SFMBT2: variants seen among roughly 807,000 people sequenced by gnomAD.
The protein encoded by SFMBT2 is Scm like with four mbt domains 2.
In SFMBT2, 38 loss-of-function variants were observed where a neutral mutation model predicts 110.1. The observed-to-expected ratio is 0.35, with a 90% CI of 0.27 to 0.45. The LOEUF is 0.45. Among genes scored for constraint, SFMBT2 ranks in the 20% least tolerant of loss-of-function variants. SFMBT2 has a pLI of 1.00. For missense variants in SFMBT2, 1,011 were observed against 1,094.9 expected, an observed-to-expected ratio of 0.92 and a Z score of 1.08; for synonymous variants, 425 against 425.4, an observed-to-expected ratio of 1.00 and a Z score of 0.01.
intron 9 of SFMBT2, among the ~76,000 whole-genome samples, chr10:7,234,036 T>C (rs929791042): frequency 2.6e-5 from 4 of 152,252 alleles, no homozygotes; most frequent in African/African-American, 9.6e-5. Flanking sequence ...TTTGTTCTTG[T>C]CGATGCTGTT....
intron 4 of SFMBT2, among the ~76,000 whole-genome samples, chr10:7,322,638 G>A (rs1450435962): frequency 6.6e-6 from 1 of 151,398 alleles, no homozygotes; most frequent in Non-Finnish European, 1.5e-5. Context: ...CACATACACA[G>A]CACAGCACAA....
intron 4 of SFMBT2, among the ~76,000 whole-genome samples, chr10:7,358,545 A>G (rs1265119779): frequency 6.6e-6 from 1 of 151,840 alleles, no homozygotes; most frequent in Admixed American, 6.6e-5. Context: ...GAACATCTGT[A>G]TGGCCATGGA....
intron 6 of SFMBT2, among the ~76,000 whole-genome samples, chr10:7,282,392 T>C (rs1841970622): frequency 6.6e-6 from 1 of 152,176 alleles, no homozygotes; most frequent in South Asian, 2.1e-4. Flanking sequence ...CACTGGCAAG[T>C]AGATATTGCT....
rs144242433 is a variant in SFMBT2, at chr10:7,277,664, T to C, written c.773-675A>G. The stretch of plus-strand genomic sequence containing the variant: ...GGAAAAAAAAAAACGTTGAGCACTG[T>C]TTTTACCTATTGCTGAAACTGCAGG... On this transcript the variant is annotated intron_variant, in intron 6 of 20. Coordinates refer to ENST00000397167, the MANE Select transcript of SFMBT2 (RefSeq NM_001387889.1). Among the ~76,000 whole-genome samples the C allele has an allele frequency of 1.4e-3, 206 of 152,096 alleles. 1 individual carries two copies. Among genetic ancestry groups the C allele is most frequent in the African/African-American group, 4.6e-3 (192 of 41,498 alleles).
At chr10:7,276,852 T>C (rs748596567) in intron 7 of SFMBT2, 40 bp downstream of exon 7, 45 of 843,906 alleles carry the variant, frequency 5.3e-5, no homozygotes, top group Admixed American at 1.9e-4. Flanking sequence ...GATTTTATTC[T>C]CAAAAAGGGT....
At chr10:7,374,936 T>C (rs1034963559) in intron 2 of SFMBT2, among the ~76,000 whole-genome samples, 1 of 152,230 alleles carries the variant, frequency 6.6e-6, no homozygotes, top group Non-Finnish European at 1.5e-5. Context: ...ACAAAATGTT[T>C]ATGGGGAGAG....
chr10:7,391,341 G>A (rs540998680), intron 1 of SFMBT2, among the ~76,000 whole-genome samples: 46 of 150,604 alleles, frequency 3.1e-4, no homozygotes, highest in Admixed American at 2.1e-3. Context: ...TGGCACGTGC[G>A]TATAATCCCA....
chr10:7,397,367 GTTTT>G (rs950104964), intron 1 of SFMBT2, among the ~76,000 whole-genome samples: 2 of 149,346 alleles, frequency 1.3e-5, no homozygotes, highest in South Asian at 2.1e-4. Flanking sequence ...GTTTGTTGTT[GTTTT>G]TTTGTTTTTT....
At chr10:7,359,253 G>A (rs1186941963) in intron 4 of SFMBT2, among the ~76,000 whole-genome samples, 1 of 152,202 alleles carries the variant, frequency 6.6e-6, no homozygotes, top group Admixed American at 6.5e-5. Flanking sequence ...AGCAGGAACG[G>A]GGCCAGATGG....
intron 7 of SFMBT2, among the ~76,000 whole-genome samples, chr10:7,262,184 C>T (rs12266080): frequency 0.07 from 10,633 of 151,492 alleles, 897 homozygotes; most frequent in African/African-American, 0.2. Context: ...AAAGGCACTA[C>T]GGGGCTTAAA....
intron 9 of SFMBT2, among the ~76,000 whole-genome samples, chr10:7,242,464 T>C (rs917360508): frequency 5.9e-5 from 9 of 152,224 alleles, no homozygotes. Context: ...TCTTCATAGT[T>C]CACTTTGAGG....
chr10:7,374,972 T>C (rs988389924), intron 2 of SFMBT2, among the ~76,000 whole-genome samples: 1 of 152,162 alleles, frequency 6.6e-6, no homozygotes, highest in African/African-American at 2.4e-5. Flanking sequence ...AGCAAATATT[T>C]ATAGCTGATT....
chr10:7,204,905 T>A (rs1839078180), intron 12 of SFMBT2: 1 of 984,716 alleles, frequency 1.0e-6, no homozygotes, highest in African/African-American at 1.7e-5. Context: ...TTTGCATGTA[T>A]TTAAATGTGC....
At chr10:7,384,669 G>T (rs939676402) in intron 1 of SFMBT2, among the ~76,000 whole-genome samples, 1 of 152,150 alleles carries the variant, frequency 6.6e-6, no homozygotes, top group Non-Finnish European at 1.5e-5. Flanking sequence ...TGCTGTTGTT[G>T]TTAACGGAGG....
intron 4 of SFMBT2, among the ~76,000 whole-genome samples, chr10:7,306,726 G>A (rs968126818): frequency 8.7e-6 from 1 of 115,258 alleles, no homozygotes; most frequent in Non-Finnish European, 1.8e-5. Context: ...AGAAGATGAA[G>A]CCAAGAAAAG....
At position 7,293,404 on chromosome 10, in the gene SFMBT2, A is replaced by ATT. The variant is rs532526512; in HGVS notation, c.437-7452_437-7451dup. ...GTGAGCCACTGTGCCTGGTCAAAGTATTTTTTTTTAATGTGAAGGTAAAGC... is the reference window on the plus strand; with the variant it reads ...GTGAGCCACTGTGCCTGGTCAAAGTATTTTTTTTTTTAATGTGAAGGTAAAGC... On this transcript the variant is annotated intron_variant, in intron 4 of 20. Transcript: ENST00000397167. This position sits in a 1 kb window ranked among gnomAD's most constrained non-coding sequence, Gnocchi z 4.6. Among the ~76,000 whole-genome samples the ATT allele has an allele frequency of 0.038, 5,753 of 151,040 alleles. 370 individuals carry two copies. Among genetic ancestry groups the ATT allele is most frequent in the African/African-American group, 0.13 (5,464 of 41,210 alleles).
At chr10:7,279,841 C>T (rs1319261632) in intron 6 of SFMBT2, among the ~76,000 whole-genome samples, 2 of 152,204 alleles carry the variant, frequency 1.3e-5, no homozygotes, top group East Asian at 1.9e-4. Flanking sequence ...CTTTTATCCA[C>T]CTCCCTCCAA....
chr10:7,374,225 A>G (rs1845140307), intron 2 of SFMBT2, among the ~76,000 whole-genome samples: 1 of 152,146 alleles, frequency 6.6e-6, no homozygotes, highest in Non-Finnish European at 1.5e-5. Flanking sequence ...TGGTGCCACT[A>G]CACTCTAGAC....
intron 4 of SFMBT2, among the ~76,000 whole-genome samples, chr10:7,362,441 G>A (rs1302659926): frequency 6.6e-6 from 1 of 152,146 alleles, no homozygotes; most frequent in Non-Finnish European, 1.5e-5. Flanking sequence ...GACTGCACAG[G>A]GTCCTAAGTG....
Sources: allele counts gnomAD v4.1 joint callset (sites outside exome capture counted in the v4.1 genomes callset), GRCh38; gene constraint gnomAD v4.1.1; non-coding constraint Gnocchi (gnomAD v3.1); transcripts MANE v1.5; gene names NCBI Gene and HGNC (gene_info 2026-07-23, HGNC 2026-07-21).